AP3B1: variants seen among roughly 807,000 people sequenced by gnomAD.
The protein encoded by AP3B1 is adaptor related protein complex 3 subunit beta 1.
In AP3B1, 61 loss-of-function variants were observed where a neutral mutation model predicts 132.5. The observed-to-expected ratio is 0.46, with a 90% confidence interval of 0.37 to 0.57. The LOEUF (loss-of-function observed/expected upper bound fraction) is 0.57, where lower values mean the gene tolerates loss of function less well. AP3B1 is among the 20% of genes least tolerant of loss of function. The pLI, the probability that AP3B1 is intolerant of heterozygous loss-of-function variation, is 0.00. For synonymous variants in AP3B1, 388 were observed against 438.3 expected, an observed-to-expected ratio of 0.89 and a Z score of 1.43; for missense variants, 1,120 against 1,289.4, an observed-to-expected ratio of 0.87 and a Z score of 2.01.
chr5:78,031,988 C>T (rs1747599718), intron 24 of AP3B1, among the ~76,000 whole-genome samples: 1 of 152,134 alleles, frequency 6.6e-6, no homozygotes, highest in African/African-American at 2.4e-5. Context: ...ATGTACTGCA[C>T]TAACTTTTAG....
chr5:78,225,237 TC>T (rs1382276017), intron 6 of AP3B1, among the ~76,000 whole-genome samples: 1 of 152,044 alleles, frequency 6.6e-6, no homozygotes, highest in East Asian at 1.9e-4. Flanking sequence ...GTAACTCACA[TC>T]CCCCATAGGT....
At chr5:78,071,520 G>A (rs2112163471) in intron 22 of AP3B1, among the ~76,000 whole-genome samples, 1 of 152,256 alleles carries the variant, frequency 6.6e-6, no homozygotes, top group Admixed American at 6.5e-5. Flanking sequence ...GTTTACCTAT[G>A]TAACAAACCT....
At chr5:78,038,189 A>G (rs962354075) in intron 23 of AP3B1, among the ~76,000 whole-genome samples, 1 of 152,198 alleles carries the variant, frequency 6.6e-6, no homozygotes, top group Admixed American at 6.5e-5. Context: ...TGCTCCAAGA[A>G]AAGTGAGATT....
intron 26 of AP3B1, among the ~76,000 whole-genome samples, chr5:78,015,085 T>C (rs928294998): frequency 1.3e-5 from 2 of 152,182 alleles, no homozygotes; most frequent in Non-Finnish European, 2.9e-5. Context: ...TTCCTGGACA[T>C]CTACTGAATC....
chr5:78,245,888 C>T (rs1747358913), intron 2 of AP3B1, among the ~76,000 whole-genome samples: 1 of 152,148 alleles, frequency 6.6e-6, no homozygotes, highest in Admixed American at 6.5e-5. Context: ...GAAAAAGCTG[C>T]AGTACCAGCG....
At chr5:78,273,732 A>G (rs963051954) in intron 1 of AP3B1, among the ~76,000 whole-genome samples, 1 of 152,172 alleles carries the variant, frequency 6.6e-6, no homozygotes. Context: ...CTTTCCATTA[A>G]GATTACTGAA....
At chr5:78,286,561 A>T (rs1749290725) in intron 1 of AP3B1, among the ~76,000 whole-genome samples, 1 of 152,182 alleles carries the variant, frequency 6.6e-6, no homozygotes. Flanking sequence ...TCAATCTTGG[A>T]CTTCCTGGCC....
At chr5:78,020,669 AG>A in intron 25 of AP3B1, 22 bp downstream of exon 25, 1 of 1,547,926 alleles carries the variant, frequency 6.5e-7, no homozygotes, top group Non-Finnish European at 8.9e-7. Flanking sequence ...GTAAATTTCT[AG>A]TAAGTTGTAG....
intron 1 of AP3B1, among the ~76,000 whole-genome samples, chr5:78,292,576 T>C (rs752681682): frequency 3.2e-4 from 49 of 152,196 alleles, no homozygotes; most frequent in Non-Finnish European, 4.7e-4. Flanking sequence ...CTTGCTCCAA[T>C]TTCCTCACGT....
At chr5:78,019,559 T>C (rs754295445) in intron 25 of AP3B1, among the ~76,000 whole-genome samples, 17 of 152,092 alleles carry the variant, frequency 1.1e-4, no homozygotes, top group Non-Finnish European at 1.6e-4. Context: ...AATTTGTCAA[T>C]AGAAAAATAA....
At chr5:78,208,513 T>G (rs900695747) in intron 7 of AP3B1, among the ~76,000 whole-genome samples, 1 of 152,170 alleles carries the variant, frequency 6.6e-6, no homozygotes, top group Non-Finnish European at 1.5e-5. Context: ...AATATACATA[T>G]GTCAAATAAG....
rs767207370 is a variant in AP3B1, at chr5:78,241,067, A to G, written c.205-131T>C. ...GAATCATCTTACCTCAACTATTTACAGCAAATAATAAACACTATCTTGTAC... is the reference window on the plus strand; with the variant it reads ...GAATCATCTTACCTCAACTATTTACGGCAAATAATAAACACTATCTTGTAC... On this transcript the variant is annotated intron_variant, in intron 2 of 26. Coordinates refer to ENST00000255194, the MANE Select transcript of AP3B1 (RefSeq NM_003664.5). The G allele has an allele frequency of 3.0e-5, 20 of 657,898 alleles. No individual in the cohort carries two copies. In the South Asian group the frequency reaches 3.8e-4, roughly 13 times the overall value. 40.8% of individuals were successfully genotyped at this position (657,898 alleles called of 1,614,324 possible). A position where few individuals can be genotyped will look rare whatever the true frequency, so the allele number is the denominator to read the frequency against.
rs532787994 is a variant in AP3B1 at position 78,109,610 on chromosome 5, T to G, written c.2397+597A>C. Among the ~76,000 whole-genome samples, 338 of 152,280 alleles carry G rather than the reference T, an allele frequency of 2.2e-3. 1 individual carries two copies. Among genetic ancestry groups the G allele is most frequent in the African/African-American group, 7.8e-3 (326 of 41,570 alleles). On this transcript the variant is annotated intron_variant, in intron 20 of 26. Transcript: ENST00000255194. Reference sequence around the variant, plus strand: ...TCTGAATTCTATATTTTTATTCTTTTAACTAGACTTGAAATCAGATAGAAT... The same window carrying G: ...TCTGAATTCTATATTTTTATTCTTTGAACTAGACTTGAAATCAGATAGAAT...
chr5:78,083,899 T>C (rs535077120), intron 22 of AP3B1, among the ~76,000 whole-genome samples: 52 of 152,306 alleles, frequency 3.4e-4, no homozygotes, highest in Middle Eastern at 6.8e-3. Flanking sequence ...AATATTTTGT[T>C]AATTGAAAAA....
chr5:78,284,932 T>C (rs1749205988), intron 1 of AP3B1, among the ~76,000 whole-genome samples: 1 of 152,162 alleles, frequency 6.6e-6, no homozygotes, highest in Admixed American at 6.5e-5. Flanking sequence ...CTGCTCCATT[T>C]CTCTGCTCTT....
At chr5:78,224,449 C>T (rs1452029560) in intron 6 of AP3B1, among the ~76,000 whole-genome samples, 1 of 151,696 alleles carries the variant, frequency 6.6e-6, no homozygotes, top group Non-Finnish European at 1.5e-5. Context: ...AAATAAGGAA[C>T]AAAAAAGGCA....
At chr5:78,147,871 T>G (rs962863545) in intron 14 of AP3B1, among the ~76,000 whole-genome samples, 1 of 151,952 alleles carries the variant, frequency 6.6e-6, no homozygotes, top group African/African-American at 2.4e-5. Context: ...CCATCTCTAC[T>G]AAAAACACAA....
At chr5:78,233,413 T>G (rs150518644) in intron 3 of AP3B1, among the ~76,000 whole-genome samples, 4,550 of 151,968 alleles carry the variant, frequency 0.03, 226 homozygotes, top group African/African-American at 0.1. Flanking sequence ...TTTCTATTTT[T>G]AGTAGAGAAC....
intron 26 of AP3B1, among the ~76,000 whole-genome samples, chr5:78,006,822 C>T (rs1290068486): frequency 6.6e-6 from 1 of 152,162 alleles, no homozygotes; most frequent in Non-Finnish European, 1.5e-5. Flanking sequence ...TTGGCTATAT[C>T]TGTATTTCAT....
Sources: allele counts gnomAD v4.1 joint callset (sites outside exome capture counted in the v4.1 genomes callset), GRCh38; gene constraint gnomAD v4.1.1; transcripts MANE v1.5; gene names NCBI Gene and HGNC (gene_info 2026-07-23, HGNC 2026-07-21).